DOCK2: variants seen among roughly 807,000 people sequenced by gnomAD.
DOCK2 encodes the protein dedicator of cytokinesis 2.
DOCK2 carries 87 observed loss-of-function variants against 248.9 expected under a neutral mutation model. The observed-to-expected ratio is 0.35, with a 90% CI of 0.29 to 0.42. The LOEUF (loss-of-function observed/expected upper bound fraction) is 0.42. DOCK2 is among the 10% of genes least tolerant of loss of function. The probability of loss-of-function intolerance (pLI) is 1.00; values close to 1 mark genes in which losing one functional copy is unlikely to be tolerated. For missense variants in DOCK2, 1,747 were observed against 2,300.2 expected (o/e 0.76, Z 4.92); for synonymous variants, 805 against 821.6 (o/e 0.98, Z 0.35).
intron 27 of DOCK2, among the ~76,000 whole-genome samples, chr5:169,846,726 A>G (rs1385082503): frequency 1.3e-5 from 2 of 152,094 alleles, no homozygotes; most frequent in East Asian, 3.8e-4. Flanking sequence ...ATACGTTTGG[A>G]GTACAAGTGG....
At chr5:169,785,186 T>C (rs771471289) in intron 25 of DOCK2, among the ~76,000 whole-genome samples, 1 of 152,234 alleles carries the variant, frequency 6.6e-6, no homozygotes, top group Non-Finnish European at 1.5e-5. Context: ...GCCAATCTAA[T>C]TTCAGTATGG....
At chr5:169,955,662 G>A (rs1449776010) in intron 27 of DOCK2, among the ~76,000 whole-genome samples, 1 of 152,164 alleles carries the variant, frequency 6.6e-6, no homozygotes, top group Non-Finnish European at 1.5e-5. Flanking sequence ...AGGCAAACCT[G>A]GTTTTGAATT....
intron 26 of DOCK2, among the ~76,000 whole-genome samples, chr5:169,804,791 C>A (rs1265613655): frequency 2.6e-5 from 4 of 152,146 alleles, no homozygotes; most frequent in Admixed American, 6.5e-5. Context: ...GATTCAGACT[C>A]TGTGTAATCA....
chr5:169,979,795 A>G (rs540818234), intron 27 of DOCK2, among the ~76,000 whole-genome samples: 13 of 152,216 alleles, frequency 8.5e-5, no homozygotes, highest in Admixed American at 3.9e-4. Context: ...AAGCTGGTAA[A>G]AGTAATTTTG....
intron 46 of DOCK2, among the ~76,000 whole-genome samples, chr5:170,070,503 T>G (rs1056582416): frequency 6.6e-6 from 1 of 152,228 alleles, no homozygotes; most frequent in African/African-American, 2.4e-5. Flanking sequence ...TCTTTTTACC[T>G]TGTGCCACCT....
At chr5:169,648,702 G>A (rs1363875745) in intron 1 of DOCK2, among the ~76,000 whole-genome samples, 1 of 152,196 alleles carries the variant, frequency 6.6e-6, no homozygotes, top group Non-Finnish European at 1.5e-5. Flanking sequence ...CTGTAAAACA[G>A]AGACGATAAT....
intron 32 of DOCK2, among the ~76,000 whole-genome samples, chr5:170,014,541 T>A (rs1474818843): frequency 1.3e-5 from 2 of 150,880 alleles, no homozygotes; most frequent in Non-Finnish European, 2.9e-5. Context: ...ACTAGCCACA[T>A]TTCAAGGGCT....
intron 27 of DOCK2, among the ~76,000 whole-genome samples, chr5:169,942,067 G>A (rs1776265626): frequency 6.6e-6 from 1 of 152,238 alleles, no homozygotes; most frequent in Non-Finnish European, 1.5e-5. Context: ...GACATGAGAA[G>A]GATGTGGGCC....
At chr5:169,990,849 T>A (rs1254296411) in intron 29 of DOCK2, among the ~76,000 whole-genome samples, 1 of 152,262 alleles carries the variant, frequency 6.6e-6, no homozygotes, top group Non-Finnish European at 1.5e-5. Flanking sequence ...TGATACTGCC[T>A]GTGGGCATGG....
At chr5:169,814,217 A>G (rs1767928954) in intron 26 of DOCK2, among the ~76,000 whole-genome samples, 1 of 152,244 alleles carries the variant, frequency 6.6e-6, no homozygotes, top group Non-Finnish European at 1.5e-5. Flanking sequence ...AACCACCAGC[A>G]GGGAAACATA....
In DOCK2 at chr5:169,841,531, G is replaced by C. The variant is rs577141747; in HGVS notation, c.2799+679G>C. 1.3e-4 allele frequency: 111 copies of C among 846,178 alleles called. 4 individuals carry two copies. In the South Asian group the frequency reaches 5.4e-3, roughly 41 times the overall value. 52.4% of individuals were successfully genotyped at this position (846,178 alleles called of 1,614,324 possible). ...CCATGTCACTCCTCTGCTGAAACCT[G>C]CCAATGGTTGTCCATCTCACTCAGA... is the stretch of plus-strand genomic sequence containing the variant. On this transcript the variant is annotated intron_variant, in intron 27 of 51. Transcript: ENST00000520908.
intron 22 of DOCK2, among the ~76,000 whole-genome samples, chr5:169,729,426 G>A (rs1762649827): frequency 6.6e-6 from 1 of 152,154 alleles, no homozygotes; most frequent in Admixed American, 6.5e-5. Context: ...TTCATCATGT[G>A]GCACATATGG....
At chr5:169,745,027 G>T (rs1763530466) in intron 22 of DOCK2, among the ~76,000 whole-genome samples, 1 of 152,238 alleles carries the variant, frequency 6.6e-6, no homozygotes, top group Non-Finnish European at 1.5e-5. Context: ...CTCTAGACCA[G>T]TAGCAGCCAT....
At chr5:169,654,183 C>T (rs1757962683) in intron 1 of DOCK2, among the ~76,000 whole-genome samples, 1 of 152,234 alleles carries the variant, frequency 6.6e-6, no homozygotes, top group Non-Finnish European at 1.5e-5. Flanking sequence ...AATGCAGGGC[C>T]TGTGTTGAGG....
At chr5:169,996,978 T>C (rs1450423892) in intron 30 of DOCK2, among the ~76,000 whole-genome samples, 1 of 151,916 alleles carries the variant, frequency 6.6e-6, no homozygotes, top group Non-Finnish European at 1.5e-5. Flanking sequence ...GAGAAAGAAA[T>C]AAGGGGACCC....
At chr5:169,747,290 C>G in intron 22 of DOCK2, 106 bp from the exon 23 acceptor site, 3 of 970,826 alleles carry the variant, frequency 3.1e-6, no homozygotes, top group Non-Finnish European at 4.5e-6. Context: ...GTCCCCACCT[C>G]CCACTCCTTT....
intron 27 of DOCK2, among the ~76,000 whole-genome samples, chr5:169,968,203 T>A (rs553964476): frequency 6.6e-6 from 1 of 152,320 alleles, no homozygotes; most frequent in East Asian, 1.9e-4. Flanking sequence ...CATGGGCTGG[T>A]TGTTTCAGCT....
At chr5:169,976,998 A>G (rs10041330) in intron 27 of DOCK2, among the ~76,000 whole-genome samples, 45,605 of 152,206 alleles carry the variant, frequency 0.3, 7,637 homozygotes, top group Middle Eastern at 0.39. Context: ...ATTGCACAGC[A>G]GGATGTCCTG....
intron 23 of DOCK2, among the ~76,000 whole-genome samples, chr5:169,748,337 T>C (rs1190566764): frequency 6.6e-6 from 1 of 152,218 alleles, no homozygotes; most frequent in Non-Finnish European, 1.5e-5. Context: ...TCTCATGCTA[T>C]GGGTCCAGAC....
Sources: allele counts gnomAD v4.1 joint callset (sites outside exome capture counted in the v4.1 genomes callset), GRCh38; gene constraint gnomAD v4.1.1; transcripts MANE v1.5; gene names NCBI Gene and HGNC (gene_info 2026-07-23, HGNC 2026-07-21).